Variants in XKR4 observed in about 807,000 individuals in gnomAD.
XKR4 encodes the protein XK related 4, also known as XK-related protein 4.
XKR4 carries 12 observed loss-of-function variants against 53.9 expected under a neutral mutation model. That is an observed-to-expected ratio of 0.22 (90% confidence interval 0.14 to 0.36). XKR4 has a LOEUF of 0.36. Ranked by LOEUF, XKR4 falls within the 10% of genes least tolerant of loss-of-function variation. XKR4 has a pLI of 1.00. For synonymous variants in XKR4, 354 were observed against 362.4 expected, an observed-to-expected ratio of 0.98 and a Z score of 0.26; for missense variants, 799 against 859.5, an observed-to-expected ratio of 0.93 and a Z score of 0.88.
intron 2 of XKR4, among the ~76,000 whole-genome samples, chr8:55,374,304 G>T (rs1373626647): frequency 2.4e-4 from 37 of 152,226 alleles, no homozygotes; most frequent in Non-Finnish European, 1.5e-5. Flanking sequence ...CCCTTGAAGG[G>T]CTTACAGCCT....
chr8:55,348,371 A>C (rs1468429995), intron 1 of XKR4, among the ~76,000 whole-genome samples: 1 of 152,206 alleles, frequency 6.6e-6, no homozygotes, highest in Non-Finnish European at 1.5e-5. Flanking sequence ...AGGGAGGGAC[A>C]GCCATCCCTG....
chr8:55,522,818 C>G (rs948906096), intron 2 of XKR4, among the ~76,000 whole-genome samples: 9 of 152,190 alleles, frequency 5.9e-5, no homozygotes, highest in African/African-American at 2.2e-4. Context: ...AACTCCATCC[C>G]ATTTCCAGGT....
At chr8:55,297,229 A>G (rs1040545752) in intron 1 of XKR4, among the ~76,000 whole-genome samples, 3 of 152,180 alleles carry the variant, frequency 2.0e-5, no homozygotes, top group East Asian at 1.9e-4. Context: ...GCACATTTAA[A>G]AGAGGCTTCA....
intron 1 of XKR4, among the ~76,000 whole-genome samples, chr8:55,249,533 C>T (rs754147030): frequency 2.6e-5 from 4 of 152,198 alleles, no homozygotes; most frequent in Non-Finnish European, 5.9e-5. Context: ...GTGCATGGTG[C>T]TGCTTACATG....
intron 2 of XKR4, among the ~76,000 whole-genome samples, chr8:55,477,403 T>TC (rs1240086993): frequency 6.6e-6 from 1 of 152,130 alleles, no homozygotes; most frequent in Admixed American, 6.5e-5. Flanking sequence ...AAAACCCTTC[T>TC]GTACGTCAAC....
chr8:55,393,104 T>A (rs1804465125), intron 2 of XKR4, among the ~76,000 whole-genome samples: 1 of 152,122 alleles, frequency 6.6e-6, no homozygotes, highest in South Asian at 2.1e-4. Context: ...CAAGGATCAT[T>A]AAATGGATGA....
intron 2 of XKR4, among the ~76,000 whole-genome samples, chr8:55,479,943 C>T (rs576175325): frequency 2.2e-4 from 33 of 152,198 alleles, no homozygotes; most frequent in African/African-American, 7.0e-4. Context: ...CAGGACCAGA[C>T]GGATTCACTG....
At chr8:55,325,140 A>T (rs1368413366) in intron 1 of XKR4, among the ~76,000 whole-genome samples, 1 of 152,250 alleles carries the variant, frequency 6.6e-6, no homozygotes, top group Admixed American at 6.5e-5. Flanking sequence ...GATTTTAAAA[A>T]ATAAATAAAA....
intron 1 of XKR4, among the ~76,000 whole-genome samples, chr8:55,294,577 T>C (rs1293258568): frequency 6.6e-6 from 1 of 152,200 alleles, no homozygotes; most frequent in Non-Finnish European, 1.5e-5. Flanking sequence ...CAATCCTCAA[T>C]GGATGGCATC....
At chr8:55,185,789 G>T (rs1871725) in intron 1 of XKR4, among the ~76,000 whole-genome samples, 128,063 of 152,070 alleles carry the variant, frequency 0.84, 54,434 homozygotes, top group African/African-American at 0.96. Context: ...TTTCTCAGAA[G>T]AGAGTATAAG....
At chr8:55,139,257 C>T (rs997958403) in intron 1 of XKR4, among the ~76,000 whole-genome samples, 6 of 152,200 alleles carry the variant, frequency 3.9e-5, no homozygotes, top group South Asian at 2.1e-4. Flanking sequence ...TGGCTTAGGC[C>T]GGGTGCAGTG....
chr8:55,343,591 C>G (rs558444333), intron 1 of XKR4, among the ~76,000 whole-genome samples: 1 of 152,272 alleles, frequency 6.6e-6, no homozygotes, highest in African/African-American at 2.4e-5. Context: ...ATTGTCTGCT[C>G]TCCTCCCAGA....
intron 2 of XKR4, among the ~76,000 whole-genome samples, chr8:55,443,298 T>A (rs985062962): frequency 1.2e-4 from 18 of 151,770 alleles, no homozygotes; most frequent in Admixed American, 6.6e-4. Flanking sequence ...TACTTTTGAA[T>A]ATATATTACT....
intron 1 of XKR4, among the ~76,000 whole-genome samples, chr8:55,357,181 T>C (rs1803808423): frequency 6.6e-6 from 1 of 152,242 alleles, no homozygotes; most frequent in South Asian, 2.1e-4. Flanking sequence ...GTATAGTGGA[T>C]GCATTACTTT....
At chr8:55,125,801 A>G (rs921548055) in intron 1 of XKR4, among the ~76,000 whole-genome samples, 2 of 152,218 alleles carry the variant, frequency 1.3e-5, no homozygotes, top group African/African-American at 4.8e-5. Context: ...CAAAAAGATG[A>G]ACAAGTTCAT....
At chr8:55,306,365 A>ATTTT (rs1586001002) in intron 1 of XKR4, among the ~76,000 whole-genome samples, 1 of 152,366 alleles carries the variant, frequency 6.6e-6, no homozygotes, top group East Asian at 1.9e-4. Flanking sequence ...CTCCTAAAAC[A>ATTTT]GTACAAAAAG....
chr8:55,480,059 G>T (rs1230250904), intron 2 of XKR4, among the ~76,000 whole-genome samples: 1 of 152,168 alleles, frequency 6.6e-6, no homozygotes, highest in Admixed American at 6.5e-5. Flanking sequence ...TATGAGGCCA[G>T]CATCATACTG....
At chr8:55,301,565 C>T (rs1441138712) in intron 1 of XKR4, among the ~76,000 whole-genome samples, 9 of 152,128 alleles carry the variant, frequency 5.9e-5, no homozygotes, top group African/African-American at 9.7e-5. Flanking sequence ...CCTGAGGAAT[C>T]GCCACACTGA....
intron 2 of XKR4, among the ~76,000 whole-genome samples, chr8:55,421,579 C>A (rs751425801): frequency 1.4e-4 from 22 of 152,122 alleles, no homozygotes; most frequent in Non-Finnish European, 3.1e-4. Context: ...AGACAACAGG[C>A]CTGCATGCAA....
Sources: allele counts gnomAD v4.1 joint callset (sites outside exome capture counted in the v4.1 genomes callset), GRCh38; gene constraint gnomAD v4.1.1; transcripts MANE v1.5; gene names NCBI Gene and HGNC (gene_info 2026-07-23, HGNC 2026-07-21).